The following ROBO2 variants were observed in gnomAD, a reference collection of about 807,000 sequenced individuals.
The protein encoded by ROBO2 is roundabout homolog 2.
Under a neutral mutation model 160.8 loss-of-function variants are expected in ROBO2, and 53 were observed. That is an observed-to-expected ratio of 0.33 (90% CI 0.26 to 0.41). ROBO2 has a LOEUF of 0.41. Among genes scored for constraint, ROBO2 ranks in the 10% least tolerant of loss-of-function variants. ROBO2 has a pLI of 1.00. For synonymous variants in ROBO2, 664 were observed against 611.7 expected, an observed-to-expected ratio of 1.09 and a Z score of -1.26; for missense variants, 1,577 against 1,722.4, an observed-to-expected ratio of 0.92 and a Z score of 1.49.
In ROBO2 at chr3:77,570,691, G is replaced by C. The variant is rs1371518926; in HGVS notation, c.1971+2257G>C. Among the ~76,000 whole-genome samples the C allele has an allele frequency of 2.0e-5, 3 of 151,946 alleles. No homozygotes were observed. The East Asian group carries it at 5.8e-4, about 29-fold the overall frequency. On this transcript the variant is annotated intron_variant, in intron 13 of 25. Coordinates refer to ENST00000461745, the Ensembl canonical transcript of ROBO2. ...GGTGTGTCCAGTGGTCAAATAATTT[G>C]TGTAACTCTTTTATTGATGTAATAT...
At chr3:77,610,264 C>T (rs966773280) in intron 21 of ROBO2, among the ~76,000 whole-genome samples, 1 of 151,996 alleles carries the variant, frequency 6.6e-6, no homozygotes, top group East Asian at 1.9e-4. Context: ...TTAGAACCTT[C>T]ATAATTCAGG....
chr3:77,078,561 G>A (rs1004870778), intron 1 of ROBO2, among the ~76,000 whole-genome samples: 3 of 152,126 alleles, frequency 2.0e-5, no homozygotes, highest in African/African-American at 7.2e-5. Context: ...CAAAAAGTGC[G>A]GTTTGCATGT....
chr3:77,208,489 C>T (rs2083706342), intron 2 of ROBO2, among the ~76,000 whole-genome samples: 1 of 152,116 alleles, frequency 6.6e-6, no homozygotes, highest in South Asian at 2.1e-4. Flanking sequence ...TAGCTGATAA[C>T]AAACAGTACT....
chr3:77,345,934 G>A (rs970145554), intron 2 of ROBO2, among the ~76,000 whole-genome samples: 3 of 151,998 alleles, frequency 2.0e-5, no homozygotes, highest in African/African-American at 4.8e-5. Context: ...GTTGTATGGC[G>A]GCTAAGATGG....
chr3:77,577,486 A>G lies in ROBO2; in HGVS notation c.2204-4A>G. The G allele has an allele frequency of 6.2e-7, 1 of 1,613,278 alleles. No homozygotes were observed. Among genetic ancestry groups the G allele is most frequent in the South Asian group, 1.1e-5 (1 of 91,072 alleles). ...TGCATTTATTCTAATTACTTCCTCT[A>G]CAGCCCCAAGTGCCCCACCACAGTC... On this transcript the variant is annotated splice_polypyrimidine_tract_variant and splice_region_variant and intron_variant, in intron 14 of 25. Transcript: ENST00000461745.
chr3:77,437,023 A>T (rs2079362455), intron 2 of ROBO2, among the ~76,000 whole-genome samples: 1 of 152,010 alleles, frequency 6.6e-6, no homozygotes, highest in Admixed American at 6.6e-5. Context: ...TTCTGATTCA[A>T]TTCTGCATTA....
At chr3:76,262,573 C>G (rs907926941) in intron 2 of ROBO2, among the ~76,000 whole-genome samples, 1 of 152,070 alleles carries the variant, frequency 6.6e-6, no homozygotes, top group Non-Finnish European at 1.5e-5. Context: ...TACCTTTGGT[C>G]CCCCTACTTA....
chr3:77,499,536 T>G (rs1046259766), intron 5 of ROBO2, among the ~76,000 whole-genome samples: 23 of 152,096 alleles, frequency 1.5e-4, no homozygotes, highest in Non-Finnish European at 4.4e-5. Context: ...AAAAAATTAA[T>G]GCTAAAAAAA....
At chr3:76,192,157 A>G (rs1702036695) in intron 2 of ROBO2, among the ~76,000 whole-genome samples, 1 of 150,074 alleles carries the variant, frequency 6.7e-6, no homozygotes, top group East Asian at 2.0e-4. Flanking sequence ...GCCCTTAGTA[A>G]CCTGACCTTC....
chr3:77,179,219 T>C (rs1465586295), intron 2 of ROBO2, among the ~76,000 whole-genome samples: 1 of 151,916 alleles, frequency 6.6e-6, no homozygotes, highest in African/African-American at 2.4e-5. Flanking sequence ...TTCACGCGCT[T>C]AATAATAGGC....
intron 2 of ROBO2, among the ~76,000 whole-genome samples, chr3:77,318,960 C>G (rs2153429523): frequency 6.6e-6 from 1 of 152,292 alleles, no homozygotes; most frequent in South Asian, 2.1e-4. Flanking sequence ...TCTAATCCAT[C>G]TTCTATCAAA....
At chr3:77,562,536 G>T in intron 9 of ROBO2, 115 bp from the exon 11 acceptor site, 1 of 710,770 alleles carries the variant, frequency 1.4e-6, no homozygotes, top group South Asian at 1.6e-5. Flanking sequence ...GCATAATTTA[G>T]ACAACAAAAT....
In ROBO2 at chr3:76,450,218, G is replaced by A. The variant is rs537130169; in HGVS notation, c.109+512616G>A. ...AAAATGGGTTCTGGAATAAATAATT[G>A]CCTAAGAATGTAGGTGTTTACAATA... On this transcript the variant is annotated intron_variant, in intron 2 of 26. Transcript: ENST00000487694. Among the ~76,000 whole-genome samples the A allele has an allele frequency of 2.8e-4, 42 of 152,174 alleles. No homozygotes were observed. The South Asian group carries it at 7.1e-3, about 26-fold the overall frequency.
At chr3:77,553,077 G>A (rs1408337322) in intron 8 of ROBO2, among the ~76,000 whole-genome samples, 2 of 151,782 alleles carry the variant, frequency 1.3e-5, no homozygotes, top group African/African-American at 4.8e-5. Context: ...GGCAACCCTG[G>A]GTCAAACAAG....
intron 2 of ROBO2, among the ~76,000 whole-genome samples, chr3:76,953,537 G>T (rs1416862933): frequency 6.6e-6 from 1 of 152,146 alleles, no homozygotes; most frequent in Non-Finnish European, 1.5e-5. Flanking sequence ...CCAACATGTT[G>T]CTGATACTCA....
chr3:76,693,191 GTATA>G (rs1223416562), intron 2 of ROBO2, among the ~76,000 whole-genome samples: 1 of 147,650 alleles, frequency 6.8e-6, no homozygotes, highest in Non-Finnish European at 1.5e-5. Flanking sequence ...TATATATAGT[GTATA>G]TATATAGTGT....
At position 76,874,853 on chromosome 3, in the gene ROBO2, G is replaced by C. The variant is rs908063462; in HGVS notation, c.110-223161G>C. 7.2e-5 allele frequency among the ~76,000 whole-genome samples: 11 copies of C among 152,284 alleles called. No homozygotes were observed. The East Asian group carries it at 2.1e-3, about 29-fold the overall frequency. The stretch of plus-strand genomic sequence containing the variant: ...CACAGTTAATCAGTGACAGAGCCTA[G>C]ACAAGAACACAGATCCCCTGACCCA... On this transcript the variant is annotated intron_variant, in intron 2 of 26. Coordinates refer to the ROBO2 transcript ENST00000487694.
chr3:76,441,799 C>T (rs1287940388), intron 2 of ROBO2, among the ~76,000 whole-genome samples: 2 of 152,194 alleles, frequency 1.3e-5, no homozygotes, highest in African/African-American at 4.8e-5. Context: ...AAACTTCTTG[C>T]TCTAGGCTGA....
chr3:76,562,098 A>C (rs942623414), intron 2 of ROBO2, among the ~76,000 whole-genome samples: 1 of 151,896 alleles, frequency 6.6e-6, no homozygotes, highest in African/African-American at 2.4e-5. Flanking sequence ...GCCCCAGAGC[A>C]TGCCTGATGA....
Sources: gnomAD v4.1 joint callset for allele counts (sites outside exome capture counted in the v4.1 genomes callset) on GRCh38, gnomAD v4.1.1 for gene constraint, MANE v1.5 for transcripts, NCBI Gene and HGNC (gene_info 2026-07-23, HGNC 2026-07-21) for gene names.